CMC1: variants seen among roughly 807,000 people sequenced by gnomAD.
CMC1 encodes C-X9-C motif containing 1.
Under a neutral mutation model 14.1 loss-of-function variants are expected in CMC1, and 14 were observed. The observed-to-expected ratio is 0.99, with a 90% CI of 0.66 to 1.55. CMC1 has a LOEUF of 1.55. Ranked by LOEUF, CMC1 falls within the 40% of genes most tolerant of loss-of-function variation. The pLI is 0.00. For synonymous variants in CMC1, 50 were observed against 38.4 expected (o/e 1.30, Z -1.12); for missense variants, 127 against 123.8 (o/e 1.03, Z -0.12).
intron 2 of CMC1, among the ~76,000 whole-genome samples, chr3:28,293,166 C>T (rs888520776): frequency 5.3e-5 from 8 of 152,106 alleles, no homozygotes; most frequent in Admixed American, 3.3e-4. Context: ...TCATATAGTT[C>T]TGTTTTCTTC....
At chr3:28,253,039 C>G (rs190167447) in intron 1 of CMC1, among the ~76,000 whole-genome samples, 3 of 152,214 alleles carry the variant, frequency 2.0e-5, no homozygotes, top group East Asian at 3.9e-4. Context: ...TTTAAGATGT[C>G]TCTTCGTCTA....
At chr3:28,279,218 A>ATGTTGTTTGT (rs1462170176) in intron 2 of CMC1, among the ~76,000 whole-genome samples, 18 of 152,262 alleles carry the variant, frequency 1.2e-4, no homozygotes, top group African/African-American at 3.4e-4. Context: ...GGTGGCTGAA[A>ATGTTGTTTGT]CTCTTGACAA....
intron 2 of CMC1, among the ~76,000 whole-genome samples, chr3:28,291,370 TC>T (rs1231924755): frequency 6.6e-6 from 1 of 152,152 alleles, no homozygotes; most frequent in African/African-American, 2.4e-5. Flanking sequence ...AACCTTTTTT[TC>T]CCCTCTATAT....
chr3:28,301,704 G>A (rs1702057590), intron 2 of CMC1, among the ~76,000 whole-genome samples: 3 of 151,774 alleles, frequency 2.0e-5, no homozygotes, highest in Admixed American at 2.0e-4. Flanking sequence ...TGACAAATGA[G>A]CGTACTATAA....
chr3:28,290,302 G>A (rs566811201), intron 2 of CMC1, among the ~76,000 whole-genome samples: 2 of 152,110 alleles, frequency 1.3e-5, no homozygotes, highest in East Asian at 3.9e-4. Flanking sequence ...GAGTCTTTGG[G>A]TTCTAGAATC....
chr3:28,269,798 TC>T (rs2125481929), intron 2 of CMC1, among the ~76,000 whole-genome samples: 1 of 152,332 alleles, frequency 6.6e-6, no homozygotes, highest in Admixed American at 6.5e-5. Flanking sequence ...ACTCCTGACC[TC>T]AGGTGATCTG....
chr3:28,266,032 G>A (rs1285189294), intron 2 of CMC1, among the ~76,000 whole-genome samples: 1 of 152,154 alleles, frequency 6.6e-6, no homozygotes, highest in Admixed American at 6.5e-5. Flanking sequence ...CTATTGATGT[G>A]AGGAGTACCC....
chr3:28,258,865 C>T lies in CMC1; in HGVS notation c.20-4426C>T, dbSNP rs538258498. Among the ~76,000 whole-genome samples the T allele has an allele frequency of 5.4e-3, 824 of 151,936 alleles. 15 individuals carry two copies. The highest frequency in any genetic ancestry group is 0.018 in the African/African-American group (728 of 41,484). ...GTCTCGATTTCCTGACCTCGTGATC[C>T]GCCCGCCTCGGCCTCCCAAAGTGCT... On this transcript the variant is annotated intron_variant, in intron 1 of 3. Transcript: ENST00000466830.
chr3:28,290,392 G>A (rs1701410414), intron 2 of CMC1, among the ~76,000 whole-genome samples: 2 of 152,016 alleles, frequency 1.3e-5, no homozygotes, highest in Non-Finnish European at 2.9e-5. Context: ...AATATTGTCA[G>A]GTCGTATTTT....
At chr3:28,300,150 C>T (rs1351767262) in intron 2 of CMC1, among the ~76,000 whole-genome samples, 1 of 151,980 alleles carries the variant, frequency 6.6e-6, no homozygotes, top group African/African-American at 2.4e-5. Flanking sequence ...ATCACGTTAT[C>T]ATTGTCAGAT....
At chr3:28,288,730 A>G (rs1364636267) in intron 2 of CMC1, among the ~76,000 whole-genome samples, 3 of 151,976 alleles carry the variant, frequency 2.0e-5, no homozygotes, top group Non-Finnish European at 4.4e-5. Context: ...AAAGAGGATT[A>G]TGATGAATAC....
intron 2 of CMC1, among the ~76,000 whole-genome samples, chr3:28,271,817 C>A (rs190673447): frequency 2.6e-5 from 4 of 152,272 alleles, no homozygotes; most frequent in Admixed American, 2.0e-4. Flanking sequence ...TTACTTTGGG[C>A]AGTATGGCCA....
At chr3:28,282,062 T>C (rs548582785) in intron 2 of CMC1, among the ~76,000 whole-genome samples, 1 of 152,338 alleles carries the variant, frequency 6.6e-6, no homozygotes, top group East Asian at 1.9e-4. Context: ...TGAAATCTGT[T>C]CTTTCTACCT....
intron 1 of CMC1, among the ~76,000 whole-genome samples, chr3:28,250,272 G>A (rs904050478): frequency 2.0e-5 from 3 of 152,162 alleles, no homozygotes; most frequent in African/African-American, 7.2e-5. Flanking sequence ...GCAAAATCTT[G>A]GGGTTAGAGG....
At chr3:28,270,731 G>GCTA (rs1700235731) in intron 2 of CMC1, among the ~76,000 whole-genome samples, 1 of 151,564 alleles carries the variant, frequency 6.6e-6, no homozygotes, top group South Asian at 2.1e-4. Flanking sequence ...AGTTTCTTTT[G>GCTA]CTATGTAGAA....
chr3:28,296,419 AATT>A (rs1338053661), intron 2 of CMC1, among the ~76,000 whole-genome samples: 1 of 152,088 alleles, frequency 6.6e-6, no homozygotes, highest in African/African-American at 2.4e-5. Flanking sequence ...TAAAACACTG[AATT>A]ATTCATTTCC....
At chr3:28,251,443 G>T (rs967921977) in intron 1 of CMC1, among the ~76,000 whole-genome samples, 1 of 152,108 alleles carries the variant, frequency 6.6e-6, no homozygotes, top group Non-Finnish European at 1.5e-5. Flanking sequence ...CATCCCATTA[G>T]GGACCACCTC....
chr3:28,288,198 T>G (rs886130296), intron 2 of CMC1, among the ~76,000 whole-genome samples: 44 of 152,034 alleles, frequency 2.9e-4, no homozygotes, highest in African/African-American at 1.1e-3. Context: ...AACATGAAAA[T>G]GTTATATGTC....
At position 28,262,385 on chromosome 3, in the gene CMC1, TG is replaced by T. The variant is rs202021185; in HGVS notation, c.20-904del. Reference sequence around the variant, plus strand: ...TATATTCTTTTAATGGGAAACTTTCTGGTCTTTTGGGGATAAATACCTATAT... The same window carrying T: ...TATATTCTTTTAATGGGAAACTTTCTGTCTTTTGGGGATAAATACCTATAT... On this transcript the variant is annotated intron_variant, in intron 1 of 3. Transcript: ENST00000466830. 9.4e-3 allele frequency among the ~76,000 whole-genome samples: 1,434 copies of T among 152,254 alleles called. 24 individuals carry two copies. Among genetic ancestry groups the T allele is most frequent in the African/African-American group, 0.032 (1,343 of 41,538 alleles).
Sources: allele counts gnomAD v4.1 joint callset (sites outside exome capture counted in the v4.1 genomes callset), GRCh38; gene constraint gnomAD v4.1.1; transcripts MANE v1.5; gene names NCBI Gene and HGNC (gene_info 2026-07-23, HGNC 2026-07-21).